The following PCBP3 variants were observed in gnomAD, a reference collection of about 807,000 sequenced individuals.
PCBP3 encodes the protein poly(rC) binding protein 3.
A neutral mutation model predicts 52.7 loss-of-function variants in PCBP3; 25 were observed. The ratio of observed to expected loss-of-function variants is 0.47; its 90% CI spans 0.35 to 0.66. PCBP3 has a LOEUF of 0.66. Among genes scored for constraint, PCBP3 ranks in the 30% least tolerant of loss-of-function variants. The probability of loss-of-function intolerance (pLI) is 0.01; values close to 1 mark genes in which losing one functional copy is unlikely to be tolerated. For missense variants in PCBP3, 391 were observed against 490.3 expected, an observed-to-expected ratio of 0.80 and a Z score of 1.91; for synonymous variants, 162 against 183.0, an observed-to-expected ratio of 0.89 and a Z score of 0.93.
chr21:45,645,607 A>G (rs535643391), intron 1 of PCBP3, among the ~76,000 whole-genome samples: 2 of 152,326 alleles, frequency 1.3e-5, no homozygotes, highest in East Asian at 3.9e-4. Flanking sequence ...GCTGTTTTGA[A>G]GAAGCTATTC....
At chr21:45,745,480 A>G (rs569840730) in intron 3 of PCBP3, among the ~76,000 whole-genome samples, 1 of 152,188 alleles carries the variant, frequency 6.6e-6, no homozygotes, top group South Asian at 2.1e-4. Flanking sequence ...GTCTCTTGCT[A>G]TGTTGTCATG....
chr21:45,719,147 C>G (rs539111276), intron 2 of PCBP3, among the ~76,000 whole-genome samples: 1 of 152,092 alleles, frequency 6.6e-6, no homozygotes, highest in African/African-American at 2.4e-5. Context: ...GTGATTAGCT[C>G]AGCTGTATCT....
intron 2 of PCBP3, among the ~76,000 whole-genome samples, chr21:45,731,817 T>G (rs1437758215): frequency 1.3e-5 from 2 of 152,146 alleles, no homozygotes; most frequent in African/African-American, 4.8e-5. Flanking sequence ...GCTATTACAT[T>G]ATGCCCTTAT....
intron 6 of PCBP3, among the ~76,000 whole-genome samples, chr21:45,897,524 G>T (rs946135881): frequency 2.0e-5 from 3 of 152,206 alleles, no homozygotes; most frequent in Non-Finnish European, 4.4e-5. Flanking sequence ...CTGGGAGTCA[G>T]GTTGCTATGT....
intron 5 of PCBP3, among the ~76,000 whole-genome samples, chr21:45,874,630 C>T (rs922478589): frequency 2.6e-5 from 4 of 151,942 alleles, no homozygotes; most frequent in Non-Finnish European, 5.9e-5. Context: ...TTCAGCCTCC[C>T]GGAGTAGCTG....
intron 16 of PCBP3, among the ~76,000 whole-genome samples, chr21:45,939,729 C>T (rs1024786085): frequency 3.9e-5 from 6 of 152,216 alleles, no homozygotes; most frequent in Non-Finnish European, 5.9e-5. Flanking sequence ...GTGGAGCACC[C>T]AGGCCGAGTG....
intron 4 of PCBP3, among the ~76,000 whole-genome samples, chr21:45,803,367 C>T (rs1489179174): frequency 3.9e-5 from 6 of 152,164 alleles, no homozygotes; most frequent in African/African-American, 1.2e-4. Flanking sequence ...TTTATTGTTT[C>T]TTTTCTGTGG....
chr21:45,875,258 G>A (rs148887437), intron 5 of PCBP3, among the ~76,000 whole-genome samples: 25 of 151,854 alleles, frequency 1.6e-4, no homozygotes, highest in African/African-American at 4.1e-4. Context: ...TGCGCGCTCC[G>A]GCTGACTCAC....
chr21:45,673,718 C>G (rs1352109592), intron 2 of PCBP3: 1 of 152,160 alleles, frequency 6.6e-6, no homozygotes, highest in African/African-American at 2.4e-5. Flanking sequence ...TTATTTCATC[C>G]TGAAGTACTT....
chr21:45,790,919 A>C (rs569617309), intron 4 of PCBP3, among the ~76,000 whole-genome samples: 14 of 152,280 alleles, frequency 9.2e-5, no homozygotes, highest in African/African-American at 3.4e-4. Flanking sequence ...AAAAGAGAGT[A>C]GTAGGGGGAA....
intron 4 of PCBP3, among the ~76,000 whole-genome samples, chr21:45,789,038 C>T (rs1464357125): frequency 6.6e-6 from 1 of 152,214 alleles, no homozygotes; most frequent in African/African-American, 2.4e-5. Context: ...GGGCTTAGAA[C>T]ACAGTGAGTG....
intron 4 of PCBP3, among the ~76,000 whole-genome samples, chr21:45,803,465 T>C (rs2092382034): frequency 6.6e-6 from 1 of 151,978 alleles, no homozygotes; most frequent in African/African-American, 2.4e-5. Context: ...GGGCGGGCCA[T>C]GAGGGGAAGT....
At chr21:45,654,474 G>A (rs982015154) in intron 1 of PCBP3, among the ~76,000 whole-genome samples, 1 of 151,216 alleles carries the variant, frequency 6.6e-6, no homozygotes. Flanking sequence ...CCCAGTAGCT[G>A]GGACTACAGG....
chr21:45,920,165 C>T (rs563674965), intron 13 of PCBP3, among the ~76,000 whole-genome samples: 1 of 152,172 alleles, frequency 6.6e-6, no homozygotes, highest in South Asian at 2.1e-4. Flanking sequence ...CCCAGACAGT[C>T]GCCCTGAAGT....
At chr21:45,936,565 G>A (rs1268202854) in intron 16 of PCBP3, among the ~76,000 whole-genome samples, 1 of 152,212 alleles carries the variant, frequency 6.6e-6, no homozygotes, top group South Asian at 2.1e-4. Flanking sequence ...TTCTTGGAGG[G>A]AGGGGATTTT....
At chr21:45,894,060 C>A in intron 5 of PCBP3, 2 of 983,824 alleles carry the variant, frequency 2.0e-6, no homozygotes, top group Non-Finnish European at 2.4e-6. Flanking sequence ...ATGCCTCGTC[C>A]ACCCTGGCCT....
chr21:45,706,348 C>T (rs2083448729), intron 2 of PCBP3, among the ~76,000 whole-genome samples: 1 of 152,106 alleles, frequency 6.6e-6, no homozygotes, highest in African/African-American at 2.4e-5. Context: ...TGCCTGGATG[C>T]CCAGTCTGGC....
At chr21:45,939,418 A>G (rs979734627) in intron 16 of PCBP3, among the ~76,000 whole-genome samples, 17 of 152,214 alleles carry the variant, frequency 1.1e-4, no homozygotes, top group Non-Finnish European at 1.3e-4. Context: ...TGCCTTGGCC[A>G]GAGGCCACTG....
At chr21:45,868,206 G>A (rs988693747) in intron 5 of PCBP3, among the ~76,000 whole-genome samples, 4 of 152,334 alleles carry the variant, frequency 2.6e-5, no homozygotes, top group Admixed American at 6.5e-5. Flanking sequence ...AGAACAAAGC[G>A]GGTGCCTCGG....
Sources: gnomAD v4.1 joint callset for allele counts (sites outside exome capture counted in the v4.1 genomes callset) on GRCh38, gnomAD v4.1.1 for gene constraint, MANE v1.5 for transcripts, NCBI Gene and HGNC (gene_info 2026-07-23, HGNC 2026-07-21) for gene names.